The following MTHFD2L variants were observed in gnomAD, a reference collection of about 807,000 sequenced individuals.
MTHFD2L encodes the protein bifunctional methylenetetrahydrofolate dehydrogenase/cyclohydrolase 2, mitochondrial.
In MTHFD2L, 29 loss-of-function variants were observed where a neutral mutation model predicts 34.9. The ratio of observed to expected loss-of-function variants is 0.83; its 90% CI spans 0.62 to 1.13. MTHFD2L has a LOEUF of 1.13. Among genes scored for constraint, MTHFD2L ranks in the 50% most tolerant of loss-of-function variants. MTHFD2L has a pLI of 0.00. For missense variants in MTHFD2L, 481 were observed against 446.5 expected (o/e 1.08, Z -0.70); for synonymous variants, 167 against 155.7 (o/e 1.07, Z -0.54).
chr4:74,241,630 A>G, intron 6 of MTHFD2L: 1 of 436,570 alleles, frequency 2.3e-6, no homozygotes, highest in South Asian at 1.6e-5. Flanking sequence ...CACCTGCCTC[A>G]GCTTCCCAAA....
At chr4:74,301,475 G>A (rs1004808588) in intron 7 of MTHFD2L, among the ~76,000 whole-genome samples, 3 of 151,562 alleles carry the variant, frequency 2.0e-5, no homozygotes, top group Admixed American at 1.3e-4. Context: ...GTCCATTTTG[G>A]TCTTTCTGTC....
At chr4:74,118,568 T>C (rs1407284434), upstream of MTHFD2L, among the ~76,000 whole-genome samples, 5 of 152,186 alleles carry the variant, frequency 3.3e-5, no homozygotes, top group Non-Finnish European at 7.3e-5. Flanking sequence ...AAGAGGTAGT[T>C]AAGATTAAAT....
intron 4 of MTHFD2L, among the ~76,000 whole-genome samples, chr4:74,200,319 AAAC>A (rs781729327): frequency 1.3e-5 from 2 of 152,036 alleles, no homozygotes; most frequent in South Asian, 4.1e-4. Context: ...CTCAAAAACA[AAAC>A]AAAACAAACA....
chr4:74,251,862 G>T (rs565743910), intron 6 of MTHFD2L, among the ~76,000 whole-genome samples: 1 of 152,178 alleles, frequency 6.6e-6, no homozygotes, highest in Non-Finnish European at 1.5e-5. Flanking sequence ...CAGCATAGTT[G>T]TTCTAGAAAA....
At chr4:74,197,923 G>A (rs1733764160) in intron 3 of MTHFD2L, among the ~76,000 whole-genome samples, 1 of 152,130 alleles carries the variant, frequency 6.6e-6, no homozygotes, top group Non-Finnish European at 1.5e-5. Flanking sequence ...TGCTGAGATA[G>A]CAGAGTTACA....
intron 7 of MTHFD2L, among the ~76,000 whole-genome samples, chr4:74,289,905 A>T (rs903902186): frequency 6.6e-6 from 1 of 152,198 alleles, no homozygotes; most frequent in Non-Finnish European, 1.5e-5. Context: ...AAGTATGTGT[A>T]TTTAGGGTAG....
chr4:74,282,512 G>A (rs967355863), intron 7 of MTHFD2L, among the ~76,000 whole-genome samples: 32 of 152,088 alleles, frequency 2.1e-4, no homozygotes, highest in Admixed American at 1.6e-3. Flanking sequence ...GTTTACCCAA[G>A]TTCTAGCATA....
intron 6 of MTHFD2L, among the ~76,000 whole-genome samples, chr4:74,229,717 GC>G (rs909659701): frequency 6.6e-6 from 1 of 151,814 alleles, no homozygotes; most frequent in African/African-American, 2.4e-5. Flanking sequence ...TTTTAAAATT[GC>G]CCCCAAAATT....
chr4:74,192,500 T>A (rs1384353637), intron 3 of MTHFD2L, among the ~76,000 whole-genome samples: 2 of 152,312 alleles, frequency 1.3e-5, no homozygotes, highest in East Asian at 3.9e-4. Context: ...TTATGTTATG[T>A]GAAATTTACA....
intron 3 of MTHFD2L, chr4:74,195,514 G>A (rs1733318158): frequency 6.6e-6 from 1 of 152,168 alleles, no homozygotes; most frequent in Non-Finnish European, 1.5e-5. Context: ...ATTTTCCAAT[G>A]GTTTGGATGT....
At chr4:74,248,186 A>G (rs1303651057) in intron 6 of MTHFD2L, among the ~76,000 whole-genome samples, 1 of 151,732 alleles carries the variant, frequency 6.6e-6, no homozygotes, top group Non-Finnish European at 1.5e-5. Flanking sequence ...CAGAGATTCA[A>G]CTTCTTCCTG....
intron 6 of MTHFD2L, among the ~76,000 whole-genome samples, chr4:74,232,846 ACT>A (rs1235769017): frequency 4.6e-5 from 7 of 152,082 alleles, no homozygotes; most frequent in African/African-American, 1.7e-4. Context: ...ACTTCTAATG[ACT>A]CTATAGTATT....
At chr4:74,234,796 AGT>A (rs139133412) in intron 6 of MTHFD2L, among the ~76,000 whole-genome samples, 6,447 of 149,292 alleles carry the variant, frequency 0.043, 268 homozygotes, top group African/African-American at 0.1. Context: ...AAAAGGAGAC[AGT>A]GTGTGTGTGT....
At chr4:74,254,121 A>T (rs996175120) in intron 6 of MTHFD2L, among the ~76,000 whole-genome samples, 4 of 152,198 alleles carry the variant, frequency 2.6e-5, no homozygotes, top group African/African-American at 9.7e-5. Context: ...GTGGGCAGAA[A>T]GCTTAATTAA....
chr4:74,261,978 T>C (rs1460995110), intron 6 of MTHFD2L, among the ~76,000 whole-genome samples: 1 of 151,964 alleles, frequency 6.6e-6, no homozygotes, highest in Non-Finnish European at 1.5e-5. Flanking sequence ...ATGAACAGAG[T>C]AGTATTTTAT....
At chr4:74,234,795 C>CTGTGTGTG (rs576512591) in intron 6 of MTHFD2L, among the ~76,000 whole-genome samples, 27 of 113,660 alleles carry the variant, frequency 2.4e-4, no homozygotes, top group African/African-American at 9.9e-4. Context: ...GAAAAGGAGA[C>CTGTGTGTG]AGTGTGTGTG....
At chr4:74,282,083 G>A (rs1747561289) in intron 7 of MTHFD2L, among the ~76,000 whole-genome samples, 1 of 151,914 alleles carries the variant, frequency 6.6e-6, no homozygotes, top group African/African-American at 2.4e-5. Context: ...AAGTTTTTGT[G>A]GTCGATGAAA....
chr4:74,210,436 TTAAA>T (rs757290654), intron 5 of MTHFD2L, among the ~76,000 whole-genome samples: 80 of 152,332 alleles, frequency 5.3e-4, no homozygotes, highest in Non-Finnish European at 9.1e-4. Flanking sequence ...ACACCATTGA[TTAAA>T]TAGGGAATCC....
At chr4:74,238,966 C>G (rs1741278044) in intron 6 of MTHFD2L, among the ~76,000 whole-genome samples, 2 of 152,122 alleles carry the variant, frequency 1.3e-5, no homozygotes, top group African/African-American at 4.8e-5. Context: ...ACCATTTGAC[C>G]CAGCGATCCC....
Sources: allele counts gnomAD v4.1 joint callset (sites outside exome capture counted in the v4.1 genomes callset), GRCh38; gene constraint gnomAD v4.1.1; transcripts MANE v1.5; gene names NCBI Gene and HGNC (gene_info 2026-07-23, HGNC 2026-07-21).